The following GRIK3 variants were observed in gnomAD, a reference collection of about 807,000 sequenced individuals.
GRIK3 encodes glutamate receptor ionotropic, kainate 3.
Under a neutral mutation model 102.5 loss-of-function variants are expected in GRIK3, and 29 were observed. That is an observed-to-expected ratio of 0.28 (90% CI 0.21 to 0.39). The LOEUF (loss-of-function observed/expected upper bound fraction) is 0.39. Ranked by LOEUF, GRIK3 falls within the 10% of genes least tolerant of loss-of-function variation. The pLI is 1.00. For missense variants in GRIK3, 908 were observed against 1,252.4 expected, an observed-to-expected ratio of 0.73 and a Z score of 4.15; for synonymous variants, 511 against 504.9, an observed-to-expected ratio of 1.01 and a Z score of -0.16.
At chr1:36,955,840 C>A (rs1641899418) in intron 1 of GRIK3, among the ~76,000 whole-genome samples, 1 of 152,270 alleles carries the variant, frequency 6.6e-6, no homozygotes, top group Admixed American at 6.5e-5. Flanking sequence ...CAACCTCATC[C>A]CTGTCAGTAA....
rs61125066 is a variant in GRIK3 at position 36,975,288 on chromosome 1, G to GTTTTTTTTTTTTTTTTTTTTTTT, written c.115+58705_115+58706insAAAAAAAAAAAAAAAAAAAAAAA. On this transcript the variant is annotated intron_variant, in intron 1 of 15. Coordinates refer to ENST00000373091, the MANE Select transcript of GRIK3 (RefSeq NM_000831.4). Reference sequence around the variant, plus strand: ...AAATCAATGAGCTTATCTAAAGTTGGTTTTTTTTTTTTTTTTTTTTGAGAG... The same window carrying GTTTTTTTTTTTTTTTTTTTTTTT: ...AAATCAATGAGCTTATCTAAAGTTGGTTTTTTTTTTTTTTTTTTTTTTTTTTTTTTTTTTTTTTTTTTTGAGAG... Among the ~76,000 whole-genome samples the GTTTTTTTTTTTTTTTTTTTTTTT allele has an allele frequency of 9.7e-5, 11 of 113,352 alleles. 1 individual carries two copies. The highest frequency in any genetic ancestry group is 3.8e-4 in the African/African-American group (10 of 26,282). 74.4% of individuals were successfully genotyped at this position (113,352 alleles called of 152,430 possible). A position where few individuals can be genotyped will look rare whatever the true frequency, so the allele number is the denominator to read the frequency against.
intron 1 of GRIK3, among the ~76,000 whole-genome samples, chr1:36,917,514 A>G (rs1006598757): frequency 6.6e-6 from 1 of 152,166 alleles, no homozygotes; most frequent in Non-Finnish European, 1.5e-5. Context: ...GGAGGGACCC[A>G]CTGAGAGGTA....
At chr1:36,859,795 G>A (rs1286254232) in intron 6 of GRIK3, 49 bp downstream of exon 6, 4 of 1,390,958 alleles carry the variant, frequency 2.9e-6, no homozygotes, top group African/African-American at 2.8e-5. Flanking sequence ...AAGAAAAGAA[G>A]GGAGGCAGGT....
At chr1:36,839,161 C>A (rs771541332) in intron 10 of GRIK3, among the ~76,000 whole-genome samples, 2 of 152,112 alleles carry the variant, frequency 1.3e-5, no homozygotes, top group Admixed American at 1.3e-4. Flanking sequence ...CCTCCACCTT[C>A]CACGTGATCT....
intron 9 of GRIK3, 52 bp from the exon 10 acceptor site, chr1:36,841,991 G>C: frequency 1.4e-6 from 2 of 1,464,632 alleles, no homozygotes; most frequent in Middle Eastern, 1.9e-4. Flanking sequence ...CTAGGGCGGA[G>C]GCAGGCTTGC....
intron 10 of GRIK3, among the ~76,000 whole-genome samples, chr1:36,834,572 G>C (rs553601121): frequency 6.6e-6 from 1 of 152,184 alleles, no homozygotes; most frequent in Non-Finnish European, 1.5e-5. Flanking sequence ...GTCTGACAGT[G>C]AGAAAGGATG....
chr1:37,002,035 T>C (rs753219544), intron 1 of GRIK3, among the ~76,000 whole-genome samples: 10 of 152,030 alleles, frequency 6.6e-5, no homozygotes, highest in Non-Finnish European at 1.5e-4. Context: ...GCCAGAAAAA[T>C]GCTCTCAGAG....
At chr1:36,923,086 T>C (rs1302771632) in intron 1 of GRIK3, among the ~76,000 whole-genome samples, 1 of 152,218 alleles carries the variant, frequency 6.6e-6, no homozygotes, top group Non-Finnish European at 1.5e-5. Context: ...GAGGTGACAT[T>C]GCTCTCCAAC....
intron 1 of GRIK3, among the ~76,000 whole-genome samples, chr1:36,996,408 C>T (rs921354916): frequency 9.2e-5 from 14 of 152,196 alleles, no homozygotes; most frequent in African/African-American, 3.4e-4. Context: ...AATGGACAGA[C>T]CTTCCCTGTT....
At chr1:37,007,862 G>C (rs7532651) in intron 1 of GRIK3, among the ~76,000 whole-genome samples, 2 of 151,996 alleles carry the variant, frequency 1.3e-5, no homozygotes, top group Non-Finnish European at 2.9e-5. Flanking sequence ...GTGGAAAACC[G>C]AGCAGCAGCA....
chr1:37,000,211 G>A (rs1642461157), intron 1 of GRIK3, among the ~76,000 whole-genome samples: 1 of 152,182 alleles, frequency 6.6e-6, no homozygotes, highest in Non-Finnish European at 1.5e-5. Flanking sequence ...GAAGTCCACT[G>A]TCTCATTTCA....
At chr1:36,805,306 A>C (rs1642486722) in intron 14 of GRIK3, 69 bp from the exon 15 acceptor site, 1 of 1,516,224 alleles carries the variant, frequency 6.6e-7, no homozygotes, top group South Asian at 1.3e-5. Context: ...CTCTGCCAAC[A>C]CCCTGGTCAG....
At chr1:36,977,733 C>T (rs1642209789) in intron 1 of GRIK3, among the ~76,000 whole-genome samples, 1 of 149,562 alleles carries the variant, frequency 6.7e-6, no homozygotes, top group East Asian at 1.9e-4. Flanking sequence ...GATTTGAATG[C>T]TTCCTAATTC....
chr1:36,996,011 G>A (rs985250571), intron 1 of GRIK3, among the ~76,000 whole-genome samples: 2 of 152,204 alleles, frequency 1.3e-5, no homozygotes. Context: ...GCTGGGCTGA[G>A]TATACTCGTA....
In GRIK3 at chr1:36,850,178, C is replaced by T; in HGVS notation, c.1326+133G>A. The T allele has an allele frequency of 1.6e-6, 1 of 629,162 alleles. No individual in the cohort carries two copies. Among genetic ancestry groups the T allele is most frequent in the East Asian group, 2.7e-5 (1 of 37,406 alleles). The allele number at this position is 629,162 out of a possible 1,614,324, so 39.0% of individuals were successfully genotyped here. ...CCAGCTGCTCTCTGAGAACTTCCTG[C>T]TGACTCTAAAAGTCTCCACCTACCT... On this transcript the variant is annotated intron_variant, in intron 9 of 15. Coordinates refer to ENST00000373091, the MANE Select transcript of GRIK3 (RefSeq NM_000831.4). This position sits in a 1 kb window ranked among gnomAD's most constrained non-coding sequence, Gnocchi z 4.0.
chr1:36,941,032 A>G (rs1641713757), intron 1 of GRIK3, among the ~76,000 whole-genome samples: 1 of 151,900 alleles, frequency 6.6e-6, no homozygotes, highest in Non-Finnish European at 1.5e-5. Flanking sequence ...AGACCCCCTG[A>G]CCTCCTGAGT....
intron 1 of GRIK3, among the ~76,000 whole-genome samples, chr1:36,964,380 C>A (rs1022687231): frequency 6.6e-6 from 1 of 152,190 alleles, no homozygotes; most frequent in Non-Finnish European, 1.5e-5. Context: ...GGAAATCAGA[C>A]CATGAGGCTC....
chr1:36,936,740 G>A (rs1056937881), intron 1 of GRIK3, among the ~76,000 whole-genome samples: 24 of 152,090 alleles, frequency 1.6e-4, no homozygotes, highest in African/African-American at 5.3e-4. Flanking sequence ...TCCATCCTCT[G>A]CCAAGTGAGT....
rs183906091 is a variant in GRIK3 at position 36,797,748 on chromosome 1, G to C, written c.*4103C>G. ...TGTGCATGTAGCTGGGAGTGGCTCA[G>C]GGAGGGACCAACTTCATGCTGAGTG... On this transcript the variant is annotated 3_prime_UTR_variant, in exon 16 of 16. Transcript: ENST00000373091. 3.6e-4 allele frequency: 55 copies of C among 152,396 alleles called. No individual in the cohort carries two copies. Among genetic ancestry groups the C allele is most frequent in the African/African-American group, 1.1e-3 (45 of 41,582 alleles). 9.4% of individuals were successfully genotyped at this position (152,396 alleles called of 1,614,324 possible).
Sources: gnomAD v4.1 joint callset for allele counts (sites outside exome capture counted in the v4.1 genomes callset) on GRCh38, gnomAD v4.1.1 for gene constraint, Gnocchi (gnomAD v3.1) non-coding constraint, MANE v1.5 for transcripts, NCBI Gene and HGNC (gene_info 2026-07-23, HGNC 2026-07-21) for gene names.